The following GTF2IRD2 variants were observed in gnomAD, a reference collection of about 807,000 sequenced individuals.
The protein encoded by GTF2IRD2 is GTF2I repeat domain containing 2.
Under a neutral mutation model 49.2 loss-of-function variants are expected in GTF2IRD2, and 8 were observed. The observed-to-expected ratio is 0.16, with a 90% CI of 0.10 to 0.29. The LOEUF (loss-of-function observed/expected upper bound fraction) is 0.29. Among genes scored for constraint, GTF2IRD2 ranks in the 10% least tolerant of loss-of-function variants. The pLI is 1.00. For synonymous variants in GTF2IRD2, 47 were observed against 289.7 expected (o/e 0.16, Z 8.51); for missense variants, 130 against 725.7 (o/e 0.18, Z 9.43).
chr7:74,829,889 A>AAAAAACAAAAC lies in GTF2IRD2; in HGVS notation c.238+2915_238+2916insGTTTTGTTTTT, dbSNP rs1448791079. 1.8e-4 allele frequency among the ~76,000 whole-genome samples: 12 copies of AAAAAACAAAAC among 67,768 alleles called. 1 individual carries two copies. The highest frequency in any genetic ancestry group is 4.4e-4 in the African/African-American group (11 of 25,028). 44.5% of individuals were successfully genotyped at this position (67,768 alleles called of 152,430 possible). On this transcript the variant is annotated intron_variant, in intron 3 of 15. Transcript: ENST00000451013. ...GGCGATAGAGCGAGATTCTGTCTCAAAAAAAAAAAAAAATTCATATGGAAC... is the reference window on the plus strand; with the variant it reads ...GGCGATAGAGCGAGATTCTGTCTCAAAAAAACAAAACAAAAAAAAAAAAATTCATATGGAAC...
At chr7:74,818,781 A>C (rs587730937) in intron 8 of GTF2IRD2, 2 of 151,172 alleles carry the variant, frequency 1.3e-5, no homozygotes, top group Admixed American at 6.6e-5. Flanking sequence ...TGAGTAAAAT[A>C]ATGGTTCTGC....
intron 1 of GTF2IRD2, among the ~76,000 whole-genome samples, chr7:74,844,356 TTTTTTTTA>T (rs1193426768): frequency 0.094 from 2,015 of 21,358 alleles, 61 homozygotes; most frequent in East Asian, 0.14. Flanking sequence ...GAGGATTATG[TTTTTTTTA>T]TTTATTTATT....
intron 1 of GTF2IRD2, among the ~76,000 whole-genome samples, chr7:74,845,046 TTC>T (rs1801147353): frequency 1.5e-5 from 2 of 132,196 alleles, no homozygotes; most frequent in African/African-American, 2.7e-5. Context: ...TATAAAACAG[TTC>T]TGTCATCCCC....
At chr7:74,836,708 G>A (rs1401839797) in intron 1 of GTF2IRD2, among the ~76,000 whole-genome samples, 6 of 152,262 alleles carry the variant, frequency 3.9e-5, no homozygotes, top group Non-Finnish European at 5.9e-5. Flanking sequence ...TGGGACTACA[G>A]GTGAGCGCCA....
At position 74,815,842 on chromosome 7, in the gene GTF2IRD2, G is replaced by GAA. The variant is rs1226551062; in HGVS notation, c.671-3028_671-3027dup. ...AGAAAGAAAGAAAGAAAGAAAGAAA[G>GAA]AAAGAAAGAAAGAAAGAAAGAAAGA... On this transcript the variant is annotated intron_variant, in intron 8 of 15. Transcript: ENST00000451013. 1.5e-4 allele frequency among the ~76,000 whole-genome samples: 16 copies of GAA among 106,964 alleles called. No homozygotes were observed. The Admixed American group carries it at 1.5e-3, about 10-fold the overall frequency. 70.2% of individuals were successfully genotyped at this position (106,964 alleles called of 152,430 possible). A position where few individuals can be genotyped will look rare whatever the true frequency, so the allele number is the denominator to read the frequency against.
chr7:74,811,608 T>C (rs1798168130), intron 9 of GTF2IRD2, among the ~76,000 whole-genome samples: 1 of 81,840 alleles, frequency 1.2e-5, no homozygotes, highest in Admixed American at 1.7e-4. Context: ...AGTGCAGTGG[T>C]GTGATCACAG....
chr7:74,844,780 C>T (rs1438973034), intron 1 of GTF2IRD2, among the ~76,000 whole-genome samples: 4 of 51,506 alleles, frequency 7.8e-5, no homozygotes, highest in Non-Finnish European at 1.6e-4. Flanking sequence ...TTCCCCATCC[C>T]GGGCTCAAGC....
chr7:74,798,847 T>C (rs879971697), intron 15 of GTF2IRD2, among the ~76,000 whole-genome samples: 58 of 150,012 alleles, frequency 3.9e-4, no homozygotes, highest in Non-Finnish European at 3.4e-4. Context: ...GAAGATTGAC[T>C]TTTATGAAAG....
rs1554418878 is a variant in GTF2IRD2 at position 74,822,767 on chromosome 7, A to G, written c.399T>C (p.Tyr133=). ...CCGACTGGTCTCGCAGCATCTTCTC[A>G]TAGGGAACAGGCACCATCACTGTTG... The part of the protein sequence containing the change: ...LGTTVMVPVP[Y]EKMLRDQSAV... The change falls in exon 5 of 16, where the codon TAT becomes TAC. Residue 133 remains tyrosine (Y), a synonymous_variant. Coordinates refer to ENST00000451013, the MANE Select transcript of GTF2IRD2 (RefSeq NM_173537.5). 1 of 1,538,162 alleles carries G rather than the reference A, an allele frequency of 6.5e-7. No homozygotes were observed. The highest frequency in any genetic ancestry group is 1.2e-5 in the South Asian group (1 of 83,286).
At chr7:74,798,634 G>GAGTA (rs1382671391) in intron 15 of GTF2IRD2, among the ~76,000 whole-genome samples, 1 of 148,948 alleles carries the variant, frequency 6.7e-6, no homozygotes, top group African/African-American at 2.5e-5. Context: ...TCAGCCTCCT[G>GAGTA]AGTAGCTGTT....
At chr7:74,830,551 A>G (rs1313185655) in intron 3 of GTF2IRD2, among the ~76,000 whole-genome samples, 3 of 146,702 alleles carry the variant, frequency 2.0e-5, no homozygotes, top group Non-Finnish European at 4.5e-5. Context: ...AAAAAGAAAG[A>G]AATCATATCC....
intron 3 of GTF2IRD2, among the ~76,000 whole-genome samples, chr7:74,830,186 G>A (rs1423979093): frequency 3.0e-5 from 2 of 67,334 alleles, no homozygotes; most frequent in Non-Finnish European, 6.6e-5. Flanking sequence ...GGGTAATATA[G>A]CAAAACCCTG....
chr7:74,800,415 G>T (rs1379886936), intron 15 of GTF2IRD2, among the ~76,000 whole-genome samples: 2 of 81,458 alleles, frequency 2.5e-5, no homozygotes, highest in Admixed American at 2.9e-4. Context: ...GTTTCACCAC[G>T]TTGTACAGAA....
chr7:74,841,003 G>A (rs1179576853), intron 1 of GTF2IRD2, among the ~76,000 whole-genome samples: 1 of 80,370 alleles, frequency 1.2e-5, no homozygotes, highest in African/African-American at 7.0e-5. Context: ...ACCCGCCACC[G>A]GGCCCAGCTA....
intron 2 of GTF2IRD2, among the ~76,000 whole-genome samples, chr7:74,835,683 C>G (rs1157842617): frequency 8.5e-5 from 3 of 35,488 alleles, no homozygotes; most frequent in Non-Finnish European, 1.4e-4. Flanking sequence ...AGGCAAACAT[C>G]AAAAGTGATA....
At chr7:74,839,099 AT>A (rs1214306125) in intron 1 of GTF2IRD2, among the ~76,000 whole-genome samples, 1,776 of 27,052 alleles carry the variant, frequency 0.066, 805 homozygotes, top group South Asian at 0.24. Context: ...TAATTTTTGT[AT>A]TTTTAGTAGA....
chr7:74,842,583 C>T lies in GTF2IRD2; in HGVS notation c.-5-6200G>A, dbSNP rs1436222081. Among the ~76,000 whole-genome samples the T allele has an allele frequency of 1.0e-4, 15 of 144,856 alleles. 1 individual carries two copies. The highest frequency in any genetic ancestry group is 1.9e-4 in the Non-Finnish European group (13 of 66,778). On this transcript the variant is annotated intron_variant, in intron 1 of 15. Transcript: ENST00000451013. ...TCTGACAGGGTCTCATTCTGTCACC[C>T]AGGCTGACGTGCAGTGCCATGATCA...
chr7:74,840,799 G>A lies in GTF2IRD2; in HGVS notation c.-5-4416C>T, dbSNP rs1339601287. On this transcript the variant is annotated intron_variant, in intron 1 of 15. Coordinates refer to ENST00000451013, the MANE Select transcript of GTF2IRD2 (RefSeq NM_173537.5). Reference sequence around the variant, plus strand: ...CCAGGAGAGCCACGGGCTGTACTCAGGCATCTTGTCTATTGAAGAAGATAC... The same window carrying A: ...CCAGGAGAGCCACGGGCTGTACTCAAGCATCTTGTCTATTGAAGAAGATAC... Among the ~76,000 whole-genome samples the A allele has an allele frequency of 2.1e-4, 30 of 139,918 alleles. 1 individual carries two copies. The highest frequency in any genetic ancestry group is 4.1e-4 in the Non-Finnish European group (27 of 65,892). 91.8% of individuals were successfully genotyped at this position (139,918 alleles called of 152,430 possible).
At position 74,841,922 on chromosome 7, in the gene GTF2IRD2, G is replaced by C. The variant is rs1299162177; in HGVS notation, c.-5-5539C>G. ...GGACGGATCACGAGGTCAAGAGATC[G>C]AGACCATCCTGGCCAACTTGGTGAA... On this transcript the variant is annotated intron_variant, in intron 1 of 15. Transcript: ENST00000451013. Among the ~76,000 whole-genome samples, 22 of 138,558 alleles carry C rather than the reference G, an allele frequency of 1.6e-4. 2 individuals carry two copies. The highest frequency in any genetic ancestry group is 6.5e-4 in the African/African-American group (22 of 33,978). The allele number at this position is 138,558 out of a possible 152,430, so 90.9% of individuals were successfully genotyped here.
Sources: gnomAD v4.1 joint callset for allele counts (sites outside exome capture counted in the v4.1 genomes callset) on GRCh38, gnomAD v4.1.1 for gene constraint, MANE v1.5 for transcripts, NCBI Gene and HGNC (gene_info 2026-07-23, HGNC 2026-07-21) for gene names.